The following LIMCH1 variants were observed in gnomAD, a reference collection of about 807,000 sequenced individuals.
LIMCH1 encodes LIM and calponin homology domains 1.
In LIMCH1, 113 loss-of-function variants were observed where a neutral mutation model predicts 176.5. The ratio of observed to expected loss-of-function variants is 0.64; its 90% CI spans 0.55 to 0.75. The LOEUF is 0.75. Among genes scored for constraint, LIMCH1 ranks in the 30% least tolerant of loss-of-function variants. LIMCH1 has a pLI of 0.00. For synonymous variants in LIMCH1, 619 were observed against 645.9 expected, an observed-to-expected ratio of 0.96 and a Z score of 0.63; for missense variants, 1,674 against 1,814.9, an observed-to-expected ratio of 0.92 and a Z score of 1.41.
chr4:41,440,345 G>T (rs1027889998), intron 1 of LIMCH1, among the ~76,000 whole-genome samples: 1 of 152,108 alleles, frequency 6.6e-6, no homozygotes, highest in Non-Finnish European at 1.5e-5. Context: ...TGACTTCAAT[G>T]CTTTCCTCAA....
intron 2 of LIMCH1, among the ~76,000 whole-genome samples, chr4:41,501,162 A>G (rs1032060666): frequency 1.1e-4 from 16 of 152,214 alleles, no homozygotes; most frequent in Non-Finnish European, 2.4e-4. Flanking sequence ...AAAAGTACAG[A>G]CCACACATGA....
intron 2 of LIMCH1, among the ~76,000 whole-genome samples, chr4:41,603,509 T>C (rs775098168): frequency 9.2e-5 from 14 of 152,206 alleles, no homozygotes; most frequent in Non-Finnish European, 2.1e-4. Context: ...ATTTTGGAAG[T>C]GCAGTCGGAT....
chr4:41,590,902 C>T (rs573645854), intron 1 of LIMCH1, among the ~76,000 whole-genome samples: 6 of 152,280 alleles, frequency 3.9e-5, no homozygotes, highest in Admixed American at 1.3e-4. Context: ...TGTGAACACA[C>T]GGCAGGTACA....
chr4:41,454,176 T>C (rs906117706), intron 1 of LIMCH1, among the ~76,000 whole-genome samples: 1 of 152,126 alleles, frequency 6.6e-6, no homozygotes, highest in Non-Finnish European at 1.5e-5. Flanking sequence ...TCACCATCAT[T>C]AGCAGTTACA....
chr4:41,477,289 G>A (rs990650320), intron 1 of LIMCH1, among the ~76,000 whole-genome samples: 7 of 152,240 alleles, frequency 4.6e-5, no homozygotes, highest in African/African-American at 1.7e-4. Context: ...AGCTCCCCAG[G>A]GTGGACTCTA....
intron 1 of LIMCH1, among the ~76,000 whole-genome samples, chr4:41,453,963 C>A (rs1386119378): frequency 2.6e-5 from 4 of 152,242 alleles, no homozygotes; most frequent in African/African-American, 9.6e-5. Flanking sequence ...CCTTGCCCCG[C>A]CTCCTCCAAC....
At chr4:41,432,552 T>C (rs2061694969) in intron 1 of LIMCH1, among the ~76,000 whole-genome samples, 1 of 152,210 alleles carries the variant, frequency 6.6e-6, no homozygotes, top group Non-Finnish European at 1.5e-5. Context: ...CTGACAACTT[T>C]CTCAATAAAT....
At chr4:41,430,224 G>A (rs1322972809) in intron 1 of LIMCH1, among the ~76,000 whole-genome samples, 5 of 152,126 alleles carry the variant, frequency 3.3e-5, no homozygotes, top group Non-Finnish European at 5.9e-5. Context: ...TGGTGATGAA[G>A]CTAAGATGTT....
chr4:41,449,024 A>C (rs1286887016), intron 1 of LIMCH1, among the ~76,000 whole-genome samples: 3 of 152,098 alleles, frequency 2.0e-5, no homozygotes, highest in Non-Finnish European at 2.9e-5. Flanking sequence ...CTTAGTAAAA[A>C]AAAAAAGCTG....
At chr4:41,393,728 T>A (rs1478368825) in intron 1 of LIMCH1, among the ~76,000 whole-genome samples, 2 of 152,226 alleles carry the variant, frequency 1.3e-5, no homozygotes, top group Admixed American at 1.3e-4. Flanking sequence ...CTTTTATCTT[T>A]AACCTATAAA....
At chr4:41,446,221 C>T (rs1046218398) in intron 1 of LIMCH1, among the ~76,000 whole-genome samples, 1 of 151,944 alleles carries the variant, frequency 6.6e-6, no homozygotes, top group East Asian at 1.9e-4. Flanking sequence ...ACAGATGGGG[C>T]CTGTGAGATT....
intron 1 of LIMCH1, among the ~76,000 whole-genome samples, chr4:41,546,269 G>A (rs986819387): frequency 7.2e-5 from 11 of 151,974 alleles, no homozygotes; most frequent in African/African-American, 2.7e-4. Flanking sequence ...CTCCCAAGTA[G>A]CTGGGAGTAC....
At chr4:41,657,052 C>T (rs544823206) in intron 18 of LIMCH1, among the ~76,000 whole-genome samples, 16 of 152,232 alleles carry the variant, frequency 1.1e-4, no homozygotes, top group Admixed American at 1.0e-3. Context: ...CAGGAAACTG[C>T]CACCTCCCAC....
intron 1 of LIMCH1, among the ~76,000 whole-genome samples, chr4:41,427,870 C>T (rs773682631): frequency 4.0e-5 from 6 of 151,778 alleles, no homozygotes; most frequent in Non-Finnish European, 8.8e-5. Context: ...TTAACTCATA[C>T]CACATTGTCT....
chr4:41,688,474 T>C (rs1722705044), intron 29 of LIMCH1, among the ~76,000 whole-genome samples: 4 of 152,240 alleles, frequency 2.6e-5, no homozygotes, highest in African/African-American at 9.6e-5. Context: ...ATTTAACTAC[T>C]GGATAAGAGG....
chr4:41,443,192 C>CTTTTTTTTTTTTTTTTTTT (rs916559501), intron 1 of LIMCH1, among the ~76,000 whole-genome samples: 2 of 39,678 alleles, frequency 5.0e-5, no homozygotes, highest in South Asian at 1.1e-3. Flanking sequence ...TGTTTTTTTT[C>CTTTTTTTTTTTTTTTTTTT]TTTTTTTTTT....
At chr4:41,526,963 A>G (rs566478960) in intron 3 of LIMCH1, among the ~76,000 whole-genome samples, 3 of 152,308 alleles carry the variant, frequency 2.0e-5, no homozygotes, top group African/African-American at 7.2e-5. Context: ...CTTCACTCCC[A>G]TGAATGGTGC....
chr4:41,552,282 A>G (rs1015241072), intron 1 of LIMCH1, among the ~76,000 whole-genome samples: 2 of 152,186 alleles, frequency 1.3e-5, no homozygotes, highest in Admixed American at 6.5e-5. Context: ...CTATGTGTTC[A>G]TGAGCTGTGT....
At chr4:41,374,501 T>C (rs2054436595) in intron 1 of LIMCH1, among the ~76,000 whole-genome samples, 1 of 152,192 alleles carries the variant, frequency 6.6e-6, no homozygotes, top group African/African-American at 2.4e-5. Flanking sequence ...GTATGATATA[T>C]TTAAAAATGT....
Sources: allele counts gnomAD v4.1 joint callset (sites outside exome capture counted in the v4.1 genomes callset), GRCh38; gene constraint gnomAD v4.1.1; transcripts MANE v1.5; gene names NCBI Gene and HGNC (gene_info 2026-07-23, HGNC 2026-07-21).